Variants in CSMD1 observed in about 807,000 individuals in gnomAD.
CSMD1 encodes CUB and Sushi multiple domains 1.
Under a neutral mutation model 417.5 loss-of-function variants are expected in CSMD1, and 213 were observed. The ratio of observed to expected loss-of-function variants is 0.51; its 90% CI spans 0.46 to 0.57. The LOEUF (loss-of-function observed/expected upper bound fraction) is 0.57, where lower values mean the gene tolerates loss of function less well. CSMD1 is among the 20% of genes least tolerant of loss of function. CSMD1 has a pLI of 0.00. For missense variants in CSMD1, 6,923 were observed against 4,529.7 expected (o/e 1.53, Z -15.17); for synonymous variants, 2,862 against 1,736.8 (o/e 1.65, Z -16.11).
rs146747736 is a variant in CSMD1 at position 3,961,890 on chromosome 8, C to T, written c.818+36013G>A. Reference sequence around the variant, plus strand: ...TCCTAAAACAGCGCATCCTGCCTTACGACTTCTTGAGTCATTGCTCAAAAA... The same window carrying T: ...TCCTAAAACAGCGCATCCTGCCTTATGACTTCTTGAGTCATTGCTCAAAAA... On this transcript the variant is annotated intron_variant, in intron 5 of 69. Coordinates refer to ENST00000635120, the MANE Select transcript of CSMD1 (RefSeq NM_033225.6). 3.5e-3 allele frequency among the ~76,000 whole-genome samples: 528 copies of T among 152,300 alleles called. 2 individuals are homozygous for T. The highest frequency in any genetic ancestry group is 0.011 in the African/African-American group (466 of 41,574).
At chr8:4,136,471 A>T (rs1421534091) in intron 3 of CSMD1, among the ~76,000 whole-genome samples, 1 of 152,204 alleles carries the variant, frequency 6.6e-6, no homozygotes, top group Non-Finnish European at 1.5e-5. Context: ...TGTGTTAGCA[A>T]ACCAAAGAAC....
intron 2 of CSMD1, among the ~76,000 whole-genome samples, chr8:4,461,947 T>C (rs1243171348): frequency 2.0e-5 from 3 of 152,058 alleles, no homozygotes; most frequent in African/African-American, 7.2e-5. Flanking sequence ...TTCATCATGT[T>C]AGCCAGGATG....
intron 7 of CSMD1, among the ~76,000 whole-genome samples, chr8:3,691,925 C>G (rs550031859): frequency 2.0e-5 from 3 of 152,116 alleles, no homozygotes. Context: ...TGAAAACACA[C>G]TCCAATATTA....
intron 5 of CSMD1, among the ~76,000 whole-genome samples, chr8:3,876,530 T>G (rs954244674): frequency 1.3e-5 from 2 of 152,198 alleles, no homozygotes; most frequent in African/African-American, 4.8e-5. Context: ...TAGGAGAAAT[T>G]TATTCATATT....
chr8:3,291,237 T>C (rs1009120558), intron 25 of CSMD1, among the ~76,000 whole-genome samples: 19 of 152,202 alleles, frequency 1.2e-4, no homozygotes, highest in South Asian at 2.1e-4. Context: ...CAGTATTTTA[T>C]TGAGGATTTT....
intron 5 of CSMD1, among the ~76,000 whole-genome samples, chr8:3,785,865 G>C (rs17067521): frequency 0.016 from 2,469 of 152,322 alleles, 54 homozygotes; most frequent in African/African-American, 0.057. Flanking sequence ...AGCAATTAAA[G>C]AGGGATATGT....
intron 5 of CSMD1, among the ~76,000 whole-genome samples, chr8:3,762,933 G>T (rs972599655): frequency 6.6e-6 from 1 of 151,406 alleles, no homozygotes; most frequent in African/African-American, 2.5e-5. Flanking sequence ...ACGCCCCACA[G>T]AGTGTTCTTT....
At chr8:4,279,332 G>A (rs563041436) in intron 3 of CSMD1, among the ~76,000 whole-genome samples, 170 of 152,306 alleles carry the variant, frequency 1.1e-3, no homozygotes, top group African/African-American at 3.9e-3. Context: ...TCACACACAA[G>A]ACTAGACAGA....
chr8:4,147,339 C>A (rs1265013412), intron 3 of CSMD1, among the ~76,000 whole-genome samples: 6 of 152,068 alleles, frequency 3.9e-5, no homozygotes, highest in South Asian at 2.1e-4. Context: ...CTGTCTATTG[C>A]GCCCCACCCT....
chr8:4,200,187 A>G (rs539351733), intron 3 of CSMD1, among the ~76,000 whole-genome samples: 2 of 152,220 alleles, frequency 1.3e-5, no homozygotes, highest in Admixed American at 6.5e-5. Flanking sequence ...TACCTGGACA[A>G]AATCCAGTTA....
At chr8:4,410,044 C>T (rs1796564313) in intron 3 of CSMD1, among the ~76,000 whole-genome samples, 1 of 152,166 alleles carries the variant, frequency 6.6e-6, no homozygotes, top group South Asian at 2.1e-4. Context: ...AAACTCTTGA[C>T]CTTGTGATCC....
At chr8:3,273,500 A>C (rs1324018665) in intron 26 of CSMD1, among the ~76,000 whole-genome samples, 2 of 152,168 alleles carry the variant, frequency 1.3e-5, no homozygotes, top group Non-Finnish European at 2.9e-5. Context: ...TAGTTTCAGA[A>C]GGAATGGTAC....
At chr8:3,419,963 T>C (rs1813384966) in intron 12 of CSMD1, among the ~76,000 whole-genome samples, 1 of 152,160 alleles carries the variant, frequency 6.6e-6, no homozygotes, top group African/African-American at 2.4e-5. Context: ...AGTACCTGTT[T>C]ACCTAATTGT....
At chr8:4,458,602 A>G (rs545380798) in intron 2 of CSMD1, among the ~76,000 whole-genome samples, 6 of 152,318 alleles carry the variant, frequency 3.9e-5, no homozygotes, top group Non-Finnish European at 4.4e-5. Flanking sequence ...AAAAAAAGAA[A>G]AATCATCACC....
chr8:4,177,961 C>T (rs879014407), intron 3 of CSMD1, among the ~76,000 whole-genome samples: 1 of 152,078 alleles, frequency 6.6e-6, no homozygotes, highest in African/African-American at 2.4e-5. Context: ...CAAAAAGAGT[C>T]CAGGATCATA....
rs1206368815 is a variant in CSMD1 at position 3,407,804 on chromosome 8, C to T, written c.2071+95G>A. On this transcript the variant is annotated intron_variant, in intron 14 of 69. Coordinates refer to ENST00000635120, the MANE Select transcript of CSMD1 (RefSeq NM_033225.6). ...AATGATTATAAAACCTCTGAAGTAT[C>T]AACCTTGAAATGCAACTTCACATAC... 1.2e-5 allele frequency: 13 copies of T among 1,055,954 alleles called. No individual in the cohort carries two copies. The African/African-American group carries it at 1.9e-4, about 16-fold the overall frequency. 65.4% of individuals were successfully genotyped at this position (1,055,954 alleles called of 1,614,324 possible).
chr8:3,892,685 G>A (rs1345628854), intron 5 of CSMD1, among the ~76,000 whole-genome samples: 3 of 147,474 alleles, frequency 2.0e-5, no homozygotes, highest in Admixed American at 6.8e-5. Context: ...GGTGAATTAA[G>A]TAGGCACTTA....
At chr8:4,722,217 T>C (rs1428894973) in intron 1 of CSMD1, among the ~76,000 whole-genome samples, 1 of 152,164 alleles carries the variant, frequency 6.6e-6, no homozygotes, top group Non-Finnish European at 1.5e-5. Context: ...ATTAAATATA[T>C]TGCTTTGCTT....
intron 3 of CSMD1, among the ~76,000 whole-genome samples, chr8:4,206,908 T>C (rs1423667054): frequency 1.3e-5 from 2 of 152,218 alleles, no homozygotes; most frequent in Admixed American, 6.5e-5. Flanking sequence ...TATTTTATAA[T>C]TTAGAGTTGG....
Sources: gnomAD v4.1 joint callset for allele counts (sites outside exome capture counted in the v4.1 genomes callset) on GRCh38, gnomAD v4.1.1 for gene constraint, MANE v1.5 for transcripts, NCBI Gene and HGNC (gene_info 2026-07-23, HGNC 2026-07-21) for gene names.